Variants in TTC7B observed in about 807,000 individuals in gnomAD.
TTC7B encodes the protein tetratricopeptide repeat protein 7B.
TTC7B carries 28 observed loss-of-function variants against 106.8 expected under a neutral mutation model. The ratio of observed to expected loss-of-function variants is 0.26; its 90% confidence interval spans 0.19 to 0.36. TTC7B has a LOEUF of 0.36. Ranked by LOEUF, TTC7B falls within the 10% of genes least tolerant of loss-of-function variation. TTC7B has a pLI of 1.00. For synonymous variants in TTC7B, 405 were observed against 430.6 expected (o/e 0.94, Z 0.74); for missense variants, 862 against 1,076.4 (o/e 0.80, Z 2.79).
At chr14:90,613,639 C>CACATCT (rs1892957142) in intron 16 of TTC7B, among the ~76,000 whole-genome samples, 1 of 152,218 alleles carries the variant, frequency 6.6e-6, no homozygotes, top group African/African-American at 2.4e-5. Context: ...CCCTCTGGGA[C>CACATCT]ACATCTGCTC....
At position 90,570,450 on chromosome 14, in the gene TTC7B, G is replaced by T. The variant is rs1890987458; in HGVS notation, c.2310+7656C>A. ...TCAAAATCCAACACTTTCTATCTCC[G>T]CCTAGGAACAAATCACCCCAGGGGC... On this transcript the variant is annotated intron_variant, in intron 19 of 19. Coordinates refer to ENST00000328459, the MANE Select transcript of TTC7B (RefSeq NM_001010854.2). The surrounding 1 kb of genome is among the most constrained non-coding windows in gnomAD (Gnocchi z 4.0). Among the ~76,000 whole-genome samples the T allele has an allele frequency of 6.6e-6, 1 of 151,962 alleles. No individual in the cohort carries two copies. The highest frequency in any genetic ancestry group is 2.1e-4 in the South Asian group (1 of 4,818).
chr14:90,767,802 T>C (rs1890738631), intron 3 of TTC7B, among the ~76,000 whole-genome samples: 1 of 152,078 alleles, frequency 6.6e-6, no homozygotes, highest in Non-Finnish European at 1.5e-5. Context: ...AACATATGTA[T>C]TGTGGGAATT....
chr14:90,542,616 C>G (rs1174393763), intron 19 of TTC7B, among the ~76,000 whole-genome samples: 3 of 152,060 alleles, frequency 2.0e-5, no homozygotes, highest in East Asian at 3.9e-4. Flanking sequence ...CCTCTTTGTT[C>G]TTTAGATCAG....
rs548516440 is a variant in TTC7B, at chr14:90,627,959, T to C, written c.1752-9914A>G. Among the ~76,000 whole-genome samples the C allele has an allele frequency of 2.0e-5, 3 of 152,250 alleles. No homozygotes were observed. The East Asian group carries it at 5.8e-4, about 29-fold the overall frequency. On this transcript the variant is annotated intron_variant, in intron 15 of 19. Transcript: ENST00000328459. ...CCTTACTGCCCGTGTTCCAAAGACCTCTCCAGTTCCTGTGAGTGACATTAT... is the reference window on the plus strand; with the variant it reads ...CCTTACTGCCCGTGTTCCAAAGACCCCTCCAGTTCCTGTGAGTGACATTAT...
intron 5 of TTC7B, among the ~76,000 whole-genome samples, chr14:90,728,692 T>G (rs1454622647): frequency 1.3e-5 from 2 of 152,180 alleles, no homozygotes; most frequent in African/African-American, 4.8e-5. Flanking sequence ...CAACCCACTC[T>G]TATTAATCTC....
At chr14:90,799,779 G>A (rs915628235) in intron 1 of TTC7B, among the ~76,000 whole-genome samples, 3 of 152,146 alleles carry the variant, frequency 2.0e-5, no homozygotes, top group Non-Finnish European at 2.9e-5. Context: ...AGTGCAATTG[G>A]GAGTCTGAAG....
At chr14:90,667,159 A>G (rs970662084) in intron 9 of TTC7B, among the ~76,000 whole-genome samples, 1 of 152,234 alleles carries the variant, frequency 6.6e-6, no homozygotes, top group Non-Finnish European at 1.5e-5. Flanking sequence ...TAAGGGAGGA[A>G]GTAAGGAGTT....
intron 15 of TTC7B, among the ~76,000 whole-genome samples, chr14:90,619,821 A>C (rs1372047388): frequency 6.6e-6 from 1 of 152,174 alleles, no homozygotes; most frequent in South Asian, 2.1e-4. Context: ...CAGTTCCAAG[A>C]ATTGTGCTCT....
Position 90,694,594 on chromosome 14 carries a change from C to T in TTC7B, c.777+906G>A, listed in dbSNP as rs895369442. Among the ~76,000 whole-genome samples, 17 of 144,560 alleles carry T rather than the reference C, an allele frequency of 1.2e-4. No individual in the cohort carries two copies. The East Asian group carries it at 3.4e-3, about 29-fold the overall frequency. 94.8% of individuals were successfully genotyped at this position (144,560 alleles called of 152,430 possible). ...ATATATGTATAATACATATATGTCA[C>T]ATATATTATAAATATATGTATAATA... On this transcript the variant is annotated intron_variant, in intron 6 of 19. Coordinates refer to ENST00000328459, the MANE Select transcript of TTC7B (RefSeq NM_001010854.2).
In TTC7B at chr14:90,541,383, G is replaced by A. The variant is rs1219835170; in HGVS notation, c.2517C>T (p.Ile839=). The change falls in exon 20 of 20, where the codon ATC becomes ATT. Residue 839 remains isoleucine (I), a synonymous_variant. Coordinates refer to ENST00000328459, the MANE Select transcript of TTC7B (RefSeq NM_001010854.2). ...AGGCGCCTGCTCAGAGCACGCGGGG[G>A]ATGATGGTGAAGGGCACGGCGGGGC... ...ASSPAVPFTI[I]PRVL is the part of the protein sequence containing the mutation. 1.2e-6 allele frequency: 2 copies of A among 1,609,482 alleles called. No homozygotes were observed. Among genetic ancestry groups the A allele is most frequent in the Admixed American group, 1.7e-5 (1 of 59,606 alleles).
At chr14:90,586,578 A>G (rs962560805) in intron 18 of TTC7B, among the ~76,000 whole-genome samples, 3 of 152,146 alleles carry the variant, frequency 2.0e-5, no homozygotes, top group African/African-American at 7.2e-5. Flanking sequence ...CTGTTCCCCA[A>G]GCTTTAAATG....
chr14:90,653,382 T>C (rs1885815498), intron 12 of TTC7B, among the ~76,000 whole-genome samples: 1 of 152,160 alleles, frequency 6.6e-6, no homozygotes, highest in Non-Finnish European at 1.5e-5. Flanking sequence ...GCTTGCTGCC[T>C]TGAAAGGCCA....
chr14:90,677,311 A>G (rs1165061023), intron 8 of TTC7B, among the ~76,000 whole-genome samples: 1 of 152,244 alleles, frequency 6.6e-6, no homozygotes. Context: ...AAAAGATATT[A>G]ACACAGAGGA....
At chr14:90,592,033 T>TG (rs1309036609) in intron 18 of TTC7B, among the ~76,000 whole-genome samples, 1 of 152,260 alleles carries the variant, frequency 6.6e-6, no homozygotes, top group East Asian at 1.9e-4. Context: ...GTAGTCATTA[T>TG]GGTGCAATTG....
Position 90,608,680 on chromosome 14 carries a change from C to T in TTC7B, c.1966+2062G>A, listed in dbSNP as rs2095631984. On this transcript the variant is annotated intron_variant, in intron 17 of 19. Transcript: ENST00000328459. This position sits in a 1 kb window ranked among gnomAD's most constrained non-coding sequence, Gnocchi z 5.1. Reference sequence around the variant, plus strand: ...GACTGTGTCACACAGGCACATCTTCCCTAAACACCATGGCATCTGAGAAAG... The same window carrying T: ...GACTGTGTCACACAGGCACATCTTCTCTAAACACCATGGCATCTGAGAAAG... Among the ~76,000 whole-genome samples, 1 of 152,172 alleles carries T rather than the reference C, an allele frequency of 6.6e-6. No individual in the cohort carries two copies. The highest frequency in any genetic ancestry group is 2.1e-4 in the South Asian group (1 of 4,826).
chr14:90,682,073 G>A (rs1442453755), intron 7 of TTC7B, among the ~76,000 whole-genome samples: 1 of 152,104 alleles, frequency 6.6e-6, no homozygotes, highest in African/African-American at 2.4e-5. Flanking sequence ...CTGATATCCT[G>A]GCTTGTGGTT....
At chr14:90,736,344 A>G (rs909159072) in intron 4 of TTC7B, among the ~76,000 whole-genome samples, 6 of 152,214 alleles carry the variant, frequency 3.9e-5, no homozygotes, top group Non-Finnish European at 8.8e-5. Context: ...AGGCCAAGGC[A>G]GGTGAATCAC....
At chr14:90,557,416 T>A (rs866053795) in intron 19 of TTC7B, among the ~76,000 whole-genome samples, 1 of 152,294 alleles carries the variant, frequency 6.6e-6, no homozygotes, top group South Asian at 2.1e-4. Flanking sequence ...ATCAAGAAAA[T>A]GAAGCAGCAA....
intron 3 of TTC7B, among the ~76,000 whole-genome samples, chr14:90,773,865 G>A (rs571665674): frequency 4.6e-5 from 7 of 152,034 alleles, no homozygotes; most frequent in African/African-American, 9.6e-5. Context: ...GGCCTCACAC[G>A]GTCTGGTCCC....
Sources: allele counts gnomAD v4.1 joint callset (sites outside exome capture counted in the v4.1 genomes callset), GRCh38; gene constraint gnomAD v4.1.1; non-coding constraint Gnocchi (gnomAD v3.1); transcripts MANE v1.5; gene names NCBI Gene and HGNC (gene_info 2026-07-23, HGNC 2026-07-21).